Variants in GPAT4 observed in about 807,000 individuals in gnomAD.
GPAT4 encodes the protein glycerol-3-phosphate acyltransferase 4.
A neutral mutation model predicts 58.0 loss-of-function variants in GPAT4; 17 were observed. The observed-to-expected ratio is 0.29, with a 90% confidence interval of 0.20 to 0.44. GPAT4 has a LOEUF of 0.44. Ranked by LOEUF, GPAT4 falls within the 20% of genes least tolerant of loss-of-function variation. The pLI is 1.00. For missense variants in GPAT4, 377 were observed against 574.5 expected (o/e 0.66, Z 3.51); for synonymous variants, 204 against 210.1 (o/e 0.97, Z 0.25).
intron 2 of GPAT4, among the ~76,000 whole-genome samples, chr8:41,601,631 A>G (rs1366555029): frequency 2.0e-5 from 3 of 152,216 alleles, no homozygotes; most frequent in African/African-American, 7.2e-5. Flanking sequence ...TAGAAGTAAG[A>G]GTTATGAGCC....
chr8:41,618,834 G>A (rs1367785289), intron 11 of GPAT4, 22 bp downstream of exon 11: 1 of 1,614,256 alleles, frequency 6.2e-7, no homozygotes, highest in Admixed American at 1.7e-5. Context: ...CCCCAGGCAG[G>A]TCTGCGCCTG....
intron 2 of GPAT4, among the ~76,000 whole-genome samples, chr8:41,607,695 A>AT (rs1803320320): frequency 6.6e-6 from 1 of 151,740 alleles, no homozygotes; most frequent in Non-Finnish European, 1.5e-5. Flanking sequence ...TGCCTAGCTA[A>AT]TTTTTTTGTA....
intron 4 of GPAT4, 145 bp from the exon 5 acceptor site, chr8:41,610,591 A>G (rs1803412636): frequency 2.6e-6 from 4 of 1,531,182 alleles, no homozygotes; most frequent in South Asian, 1.2e-5. Context: ...GCCTGCTTAC[A>G]TTTCTAGGTG....
intron 2 of GPAT4, among the ~76,000 whole-genome samples, chr8:41,604,988 A>T (rs189229352): frequency 6.6e-6 from 1 of 152,310 alleles, no homozygotes; most frequent in Admixed American, 6.5e-5. Flanking sequence ...TGTGATTTTA[A>T]CATAGCCTTG....
chr8:41,601,231 T>C (rs1803085607), intron 2 of GPAT4, among the ~76,000 whole-genome samples: 1 of 152,008 alleles, frequency 6.6e-6, no homozygotes, highest in Non-Finnish European at 1.5e-5. Context: ...AAGCAGCTGG[T>C]TAGAAATGAC....
chr8:41,620,950 G>C lies in GPAT4; in HGVS notation c.1320G>C (p.Lys440Asn). ...ACACGTTCAAGGAGGAGCAGCAGAA[G>C]CTGTACAGCAAGATGATCGTGGGGA... ...VKDTFKEEQQKLYSKMIVGNH... is the reference protein window; with the variant it reads ...VKDTFKEEQQNLYSKMIVGNH... Residue 440 changes from lysine to asparagine, a missense_variant, in exon 13 of 13, where the codon AAG becomes AAC. Lys to Asn is a moderately conservative substitution (Grantham distance 94). Coordinates refer to ENST00000396987, the MANE Select transcript of GPAT4 (RefSeq NM_178819.4). 4.5e-6 allele frequency: 7 copies of C among 1,551,756 alleles called. No individual in the cohort carries two copies. Among genetic ancestry groups the C allele is most frequent in the Non-Finnish European group, 6.1e-6 (7 of 1,147,310 alleles).
At chr8:41,615,087 G>A in intron 10 of GPAT4, 39 bp downstream of exon 10, 1 of 1,555,380 alleles carries the variant, frequency 6.4e-7, no homozygotes, top group African/African-American at 1.4e-5. Flanking sequence ...CATTACTGGA[G>A]CTGCTGTGAG....
intron 2 of GPAT4, among the ~76,000 whole-genome samples, chr8:41,601,992 T>C (rs1803114487): frequency 6.6e-6 from 1 of 152,228 alleles, no homozygotes; most frequent in Admixed American, 6.5e-5. Context: ...TCTTGCTCTT[T>C]TGCCCAGGCT....
intron 1 of GPAT4, among the ~76,000 whole-genome samples, chr8:41,579,320 T>C (rs562725062): frequency 6.6e-6 from 1 of 152,316 alleles, no homozygotes; most frequent in East Asian, 1.9e-4. Flanking sequence ...TCCTGTGCCA[T>C]ACACACCCCA....
intron 5 of GPAT4, 22 bp downstream of exon 5, chr8:41,610,832 A>G (rs1181366591): frequency 1.9e-6 from 3 of 1,586,198 alleles, no homozygotes; most frequent in East Asian, 2.2e-5. Flanking sequence ...GTGGCAGTCC[A>G]TGCCTGAAGG....
intron 2 of GPAT4, among the ~76,000 whole-genome samples, chr8:41,607,253 G>A (rs1362623686): frequency 6.6e-6 from 1 of 152,068 alleles, no homozygotes; most frequent in East Asian, 1.9e-4. Flanking sequence ...TGTGACTTGG[G>A]GCAATTTTTT....
At chr8:41,617,077 C>G (rs1392433207) in intron 10 of GPAT4, among the ~76,000 whole-genome samples, 2 of 152,156 alleles carry the variant, frequency 1.3e-5, no homozygotes, top group Non-Finnish European at 2.9e-5. Context: ...AATACAACGA[C>G]ATGACCAGAT....
In GPAT4 at chr8:41,599,429, G is replaced by T. The variant is rs1803022280; in HGVS notation, c.165+125G>T. ...GGAGAAAGTTGGGAGAATGGGAAGTGGCTTTTTGAGTAAGAAGAATAACTA... is the reference window on the plus strand; with the variant it reads ...GGAGAAAGTTGGGAGAATGGGAAGTTGCTTTTTGAGTAAGAAGAATAACTA... On this transcript the variant is annotated intron_variant, in intron 2 of 12. Coordinates refer to ENST00000396987, the MANE Select transcript of GPAT4 (RefSeq NM_178819.4). 10 of 1,138,962 alleles carry T rather than the reference G, an allele frequency of 8.8e-6. No individual in the cohort carries two copies. In the South Asian group the frequency reaches 1.4e-4, roughly 17 times the overall value. 70.6% of individuals were successfully genotyped at this position (1,138,962 alleles called of 1,614,324 possible). A position where few individuals can be genotyped will look rare whatever the true frequency, so the allele number is the denominator to read the frequency against.
At chr8:41,619,241 G>T in intron 12 of GPAT4, 1 of 522,062 alleles carries the variant, frequency 1.9e-6, no homozygotes, top group Non-Finnish European at 3.4e-6. Context: ...CACCTGGACA[G>T]TGCCCATCTC....
intron 2 of GPAT4, among the ~76,000 whole-genome samples, chr8:41,602,559 G>GGTAGGAACT (rs1803133866): frequency 6.6e-6 from 1 of 152,094 alleles, no homozygotes; most frequent in Non-Finnish European, 1.5e-5. Flanking sequence ...CTGAATGGAA[G>GGTAGGAACT]GTAGGAACTG....
intron 1 of GPAT4, among the ~76,000 whole-genome samples, chr8:41,590,130 T>C (rs1166332609): frequency 1.3e-5 from 2 of 151,788 alleles, no homozygotes; most frequent in Non-Finnish European, 2.9e-5. Context: ...GCTACTTCTT[T>C]TTTTTTTTTT....
chr8:41,618,894 A>G lies in GPAT4; in HGVS notation c.1183-4A>G, dbSNP rs1458052544. 1.9e-6 allele frequency: 3 copies of G among 1,614,038 alleles called. No homozygotes were observed. The highest frequency in any genetic ancestry group is 1.7e-6 in the Non-Finnish European group (2 of 1,180,048). On this transcript the variant is annotated splice_polypyrimidine_tract_variant and splice_region_variant and intron_variant, in intron 11 of 12. Coordinates refer to ENST00000396987, the MANE Select transcript of GPAT4 (RefSeq NM_178819.4). ...TGAGTGGTCTCATTTGTTCTTTCTT[A>G]CAGGCAGATGAAGATGCTGTCCAGT...
chr8:41,618,827 C>T lies in GPAT4; in HGVS notation c.1182+15C>T, dbSNP rs372134439. On this transcript the variant is annotated intron_variant, in intron 11 of 12. Transcript: ENST00000396987. Reference sequence around the variant, plus strand: ...TGACTAGAGAGGTGAGTGCCTGCCCCAGGCAGGTCTGCGCCTGCTCTGTGT... The same window carrying T: ...TGACTAGAGAGGTGAGTGCCTGCCCTAGGCAGGTCTGCGCCTGCTCTGTGT... 3.7e-6 allele frequency: 6 copies of T among 1,614,146 alleles called. No individual in the cohort carries two copies. The African/African-American group carries it at 8.0e-5, about 22-fold the overall frequency.
rs1401075905 is a variant in GPAT4 at position 41,598,866 on chromosome 8, T to G, written c.-274T>G. ...GAAACTCCATCTGGACTCGGATGCT[T>G]TTACTGAAGACCCATCTAGCTTCAA... On this transcript the variant is annotated 5_prime_UTR_variant, in exon 2 of 13. Transcript: ENST00000396987. The G allele has an allele frequency of 1.7e-5, 7 of 401,684 alleles. No individual in the cohort carries two copies. In the Admixed American group the frequency reaches 2.3e-4, roughly 13 times the overall value. The allele number at this position is 401,684 out of a possible 1,614,324, so 24.9% of individuals were successfully genotyped here. A position where few individuals can be genotyped will look rare whatever the true frequency, so the allele number is the denominator to read the frequency against.
Sources: gnomAD v4.1 joint callset for allele counts (sites outside exome capture counted in the v4.1 genomes callset) on GRCh38, gnomAD v4.1.1 for gene constraint, MANE v1.5 for transcripts, NCBI Gene and HGNC (gene_info 2026-07-23, HGNC 2026-07-21) for gene names.